UBR3: variants seen among roughly 807,000 people sequenced by gnomAD.
UBR3 encodes the protein E3 ubiquitin-protein ligase UBR3.
In UBR3, 85 loss-of-function variants were observed where a neutral mutation model predicts 243.2. The ratio of observed to expected loss-of-function variants is 0.35; its 90% CI spans 0.29 to 0.42. UBR3 has a LOEUF of 0.42. Among genes scored for constraint, UBR3 ranks in the 10% least tolerant of loss-of-function variants. The probability of loss-of-function intolerance (pLI) is 1.00; values close to 1 mark genes in which losing one functional copy is unlikely to be tolerated. For missense variants in UBR3, 1,686 were observed against 2,300.8 expected (o/e 0.73, Z 5.47); for synonymous variants, 748 against 799.8 (o/e 0.94, Z 1.09).
At chr2:169,875,677 TA>T in intron 2 of UBR3, 113 bp from the exon 3 acceptor site, 1 of 1,046,506 alleles carries the variant, frequency 9.6e-7, no homozygotes. Context: ...TTTTTGATTA[TA>T]AAATACTATA....
At chr2:169,914,792 C>T (rs1258611016) in intron 11 of UBR3, among the ~76,000 whole-genome samples, 1 of 152,042 alleles carries the variant, frequency 6.6e-6, no homozygotes, top group Non-Finnish European at 1.5e-5. Context: ...CCTGGGCACA[C>T]AGAACCGTTG....
At chr2:169,888,002 C>T (rs1240341457) in intron 5 of UBR3, among the ~76,000 whole-genome samples, 1 of 151,890 alleles carries the variant, frequency 6.6e-6, no homozygotes, top group East Asian at 1.9e-4. Context: ...TCTCAAACTC[C>T]CGACCTCAGG....
Position 169,927,375 on chromosome 2 carries a change from T to C in UBR3, c.2394T>C (p.Asn798=), listed in dbSNP as rs1242041176. ...AGATGGTAGCCCAGCTGTGTATGAA[T>C]GACAGGACACACAGTTCATTGCTGG... The part of the protein sequence containing the change: ...RAEMVAQLCM[N]DRTHSSLLDL... Residue 798 remains asparagine (N), a synonymous_variant, in exon 17 of 39, where the codon AAT becomes AAC. Transcript: ENST00000272793. 5 of 1,550,882 alleles carry C rather than the reference T, an allele frequency of 3.2e-6. No individual in the cohort carries two copies. The East Asian group carries it at 1.2e-4, about 38-fold the overall frequency.
At chr2:170,064,396 T>G (rs985999616) in intron 35 of UBR3, among the ~76,000 whole-genome samples, 1 of 152,072 alleles carries the variant, frequency 6.6e-6, no homozygotes, top group Non-Finnish European at 1.5e-5. Context: ...ACACCTACTA[T>G]GTACCCACAA....
At chr2:169,865,904 C>G (rs1392659354) in intron 1 of UBR3, among the ~76,000 whole-genome samples, 1 of 152,056 alleles carries the variant, frequency 6.6e-6, no homozygotes, top group African/African-American at 2.4e-5. Flanking sequence ...AATCCCAGCA[C>G]TTTGGGAAGC....
chr2:169,858,572 C>A (rs978157225), intron 1 of UBR3, among the ~76,000 whole-genome samples: 1 of 151,852 alleles, frequency 6.6e-6, no homozygotes, highest in Non-Finnish European at 1.5e-5. Context: ...TATTACTTTT[C>A]ATTTAGTACT....
At chr2:169,950,168 C>T (rs2086957667) in intron 23 of UBR3, 103 bp downstream of exon 23, 2 of 1,046,012 alleles carry the variant, frequency 1.9e-6, no homozygotes, top group African/African-American at 1.6e-5. Flanking sequence ...TTAACAGGAA[C>T]AGTCATAGCT....
rs2083463994 is a variant in UBR3 at position 169,872,375 on chromosome 2, G to C, written c.685G>C (p.Ala229Pro). ...CTTAAGAGAAGGCTATAATGAACCA[G>C]GTATGTTTTAATCTACTTCTTGTTA... ...QYLREGYNEPAADGPSEKDLN... is the reference protein window; with the variant it reads ...QYLREGYNEPPADGPSEKDLN... Residue 229 changes from alanine (A) to proline (P), a missense_variant and splice_region_variant, in exon 2 of 39, where the codon GCA (alanine) becomes CCA (proline). Physicochemically the swap from Ala to Pro is conservative, Grantham distance 27. Transcript: ENST00000272793. The C allele has an allele frequency of 6.9e-7, 1 of 1,455,570 alleles. No homozygotes were observed. 90.2% of individuals were successfully genotyped at this position (1,455,570 alleles called of 1,614,324 possible). A position where few individuals can be genotyped will look rare whatever the true frequency, so the allele number is the denominator to read the frequency against.
chr2:169,941,434 A>G (rs1419890009), intron 19 of UBR3, among the ~76,000 whole-genome samples: 2 of 152,228 alleles, frequency 1.3e-5, no homozygotes, highest in African/African-American at 2.4e-5. Flanking sequence ...AATGGCATCC[A>G]ATTGAAAACC....
intron 17 of UBR3, among the ~76,000 whole-genome samples, chr2:169,928,308 A>G (rs1237747201): frequency 6.6e-6 from 1 of 152,032 alleles, no homozygotes; most frequent in Non-Finnish European, 1.5e-5. Flanking sequence ...TTGGGGATGA[A>G]ATTTTGTGTT....
At chr2:169,956,007 A>G (rs1312055700) in intron 23 of UBR3, among the ~76,000 whole-genome samples, 1 of 151,938 alleles carries the variant, frequency 6.6e-6, no homozygotes, top group Non-Finnish European at 1.5e-5. Context: ...TTGTGTTGGA[A>G]GGTAGTGTGA....
At chr2:169,836,377 G>C (rs146266851) in intron 1 of UBR3, among the ~76,000 whole-genome samples, 1 of 151,582 alleles carries the variant, frequency 6.6e-6, no homozygotes. Context: ...GGGCTACCAC[G>C]CCTGGCCCCA....
In UBR3 at chr2:169,832,933, G is replaced by T. The variant is rs558718954; in HGVS notation, c.545+4881G>T. On this transcript the variant is annotated intron_variant, in intron 1 of 38. Transcript: ENST00000272793. ...GGGCAACAAGAGTGAAACTCCATCT[G>T]GAAAAAAAAAAAATGCTTTATGGGT... Among the ~76,000 whole-genome samples the T allele has an allele frequency of 3.4e-5, 5 of 148,774 alleles. No homozygotes were observed. In the East Asian group the frequency reaches 5.8e-4, roughly 17 times the overall value.
In UBR3 at chr2:169,952,693, C is replaced by CA. The variant is rs200296596; in HGVS notation, c.3545+2638dup. On this transcript the variant is annotated intron_variant, in intron 23 of 38. Transcript: ENST00000272793. ...CTGGCGACAGAATGAGACTCCATCT[C>CA]AAAAAAAAAAGTTTGTTATAAAAAA... Among the ~76,000 whole-genome samples, 1,204 of 145,668 alleles carry CA rather than the reference C, an allele frequency of 8.3e-3. 13 individuals carry two copies. The highest frequency in any genetic ancestry group is 0.027 in the African/African-American group (1,070 of 39,710).
chr2:169,933,409 C>T (rs1228873227), intron 19 of UBR3, among the ~76,000 whole-genome samples: 2 of 152,132 alleles, frequency 1.3e-5, no homozygotes, highest in East Asian at 3.8e-4. Flanking sequence ...TTCATGACAA[C>T]TGGGAAAATA....
At chr2:169,947,756 T>C (rs771657988) in intron 22 of UBR3, 41 bp downstream of exon 22, 15 of 1,384,034 alleles carry the variant, frequency 1.1e-5, no homozygotes, top group East Asian at 5.5e-5. Flanking sequence ...AAAAGCTTTA[T>C]GTTATGTATG....
At chr2:170,006,597 A>G (rs1172528795) in intron 27 of UBR3, among the ~76,000 whole-genome samples, 5 of 152,190 alleles carry the variant, frequency 3.3e-5, no homozygotes, top group Non-Finnish European at 7.3e-5. Context: ...CATTGGGATA[A>G]TCTTCCCAGT....
chr2:169,918,786 C>T (rs533604724), intron 11 of UBR3, among the ~76,000 whole-genome samples: 2 of 152,174 alleles, frequency 1.3e-5, no homozygotes, highest in Admixed American at 1.3e-4. Context: ...GGCTAGAGTC[C>T]TCTGGTAAGA....
intron 11 of UBR3, among the ~76,000 whole-genome samples, chr2:169,916,730 C>G (rs1175096757): frequency 1.3e-5 from 2 of 152,102 alleles, no homozygotes; most frequent in East Asian, 3.9e-4. Context: ...CTTTGATTCC[C>G]CATGCCAGGT....
Sources: gnomAD v4.1 joint callset for allele counts (sites outside exome capture counted in the v4.1 genomes callset) on GRCh38, gnomAD v4.1.1 for gene constraint, MANE v1.5 for transcripts, NCBI Gene and HGNC (gene_info 2026-07-23, HGNC 2026-07-21) for gene names.